Variants in MYOM3 observed in about 807,000 individuals in gnomAD.
MYOM3 encodes myomesin 3, also known as myomesin-3.
MYOM3 carries 155 observed loss-of-function variants against 191.7 expected under a neutral mutation model. The observed-to-expected ratio is 0.81, with a 90% CI of 0.71 to 0.92. The LOEUF (loss-of-function observed/expected upper bound fraction) is 0.92. Ranked by LOEUF, MYOM3 falls within the 40% of genes least tolerant of loss-of-function variation. The pLI is 0.00. For missense variants in MYOM3, 1,889 were observed against 1,890.6 expected (o/e 1.00, Z 0.02); for synonymous variants, 757 against 762.9 (o/e 0.99, Z 0.13).
intron 6 of MYOM3, 25 bp downstream of exon 6, chr1:24,099,655 G>T: frequency 6.3e-7 from 1 of 1,578,046 alleles, no homozygotes; most frequent in Non-Finnish European, 8.7e-7. Flanking sequence ...TGGGGTCATA[G>T]GTCTCTCCAG....
chr1:24,095,629 C>T (rs575329433), intron 7 of MYOM3, 143 bp from the exon 8 acceptor site: 1 of 615,504 alleles, frequency 1.6e-6, no homozygotes, highest in Non-Finnish European at 2.9e-6. Flanking sequence ...GTTCTTTTAC[C>T]TCTCTGTGCC....
intron 16 of MYOM3, chr1:24,084,160 G>A (rs1230112670): frequency 1.6e-5 from 5 of 320,638 alleles, no homozygotes; most frequent in East Asian, 7.7e-5. Flanking sequence ...TCATGGGGGC[G>A]GATGTCCGCT....
chr1:24,084,712 G>T, intron 15 of MYOM3, 73 bp from the exon 16 acceptor site: 1 of 1,372,266 alleles, frequency 7.3e-7, no homozygotes, highest in Non-Finnish European at 1.0e-6. Flanking sequence ...AAGGGGAGGA[G>T]CATGGGGAGA....
intron 2 of MYOM3, 187 bp downstream of exon 2, chr1:24,108,289 T>C: frequency 1.3e-6 from 1 of 749,016 alleles, no homozygotes. Flanking sequence ...GGGCTGTGCC[T>C]CTTCCATCAC....
Position 24,095,123 on chromosome 1 carries a change from G to C in MYOM3, c.791-133C>G, listed in dbSNP as rs142427013. 8.9e-3 allele frequency: 8,596 copies of C among 965,300 alleles called. 46 individuals are homozygous for C. Among genetic ancestry groups the C allele is most frequent in the Middle Eastern group, 0.019 (59 of 3,054 alleles). 59.8% of individuals were successfully genotyped at this position (965,300 alleles called of 1,614,324 possible). A position where few individuals can be genotyped will look rare whatever the true frequency, so the allele number is the denominator to read the frequency against. On this transcript the variant is annotated intron_variant, in intron 8 of 36. Coordinates refer to ENST00000374434, the MANE Select transcript of MYOM3 (RefSeq NM_152372.4). ...CTAGGAGAAGGGGACCTGGCCTTGG[G>C]GTAGGAGGGGAAGAGACTTATCTAG...
rs558410455 is a variant in MYOM3, at chr1:24,100,713, C to T, written c.561-938G>A. On this transcript the variant is annotated intron_variant, in intron 5 of 36. Coordinates refer to ENST00000374434, the MANE Select transcript of MYOM3 (RefSeq NM_152372.4). ...TATCCTGGCTAACACTGTGAAACCC[C>T]GTTTCTCCTAAAAATACAAAAACAT... Among the ~76,000 whole-genome samples, 532 of 152,256 alleles carry T rather than the reference C, an allele frequency of 3.5e-3. 6 individuals are homozygous for T. The highest frequency in any genetic ancestry group is 0.012 in the African/African-American group (502 of 41,546).
intron 36 of MYOM3, 21 bp downstream of exon 36, chr1:24,058,903 T>C (rs974166704): frequency 5.0e-6 from 8 of 1,589,524 alleles, no homozygotes; most frequent in Non-Finnish European, 6.9e-6. Context: ...CTGCTGGCTG[T>C]GGGCTGGGAA....
At chr1:24,084,963 T>A (rs190923130) in intron 15 of MYOM3, among the ~76,000 whole-genome samples, 165 of 152,366 alleles carry the variant, frequency 1.1e-3, no homozygotes, top group Non-Finnish European at 1.9e-3. Flanking sequence ...TTATCTTTAA[T>A]CTCAGTTTTC....
intron 3 of MYOM3, 44 bp downstream of exon 3, chr1:24,107,949 G>A: frequency 1.3e-6 from 2 of 1,547,718 alleles, no homozygotes; most frequent in Non-Finnish European, 1.8e-6. Flanking sequence ...GGACAGGATG[G>A]CCCCTCCTCA....
In MYOM3 at chr1:24,108,014, G is replaced by T; in HGVS notation, c.221C>A (p.Thr74Lys). 1 of 1,613,598 alleles carries T rather than the reference G, an allele frequency of 6.2e-7. No homozygotes were observed. ...TCACCAAGACAGCTCGGAGGAGGCC[G>T]TCAGAGCCAGGGCTGCTGCCAGGGC... ...DYALAAALAL[T>K]ASSELSWEAQ... The change falls in exon 3 of 37, where the codon ACG becomes AAG. Residue 74 changes from threonine to lysine, a missense_variant. Transcript: ENST00000374434.
intron 6 of MYOM3, among the ~76,000 whole-genome samples, chr1:24,099,366 T>TCA (rs1643895540): frequency 6.6e-6 from 1 of 152,206 alleles, no homozygotes; most frequent in African/African-American, 2.4e-5. Flanking sequence ...CATGCCTAGT[T>TCA]CAGCATCCAG....
chr1:24,068,777 GC>G (rs1439116128), intron 25 of MYOM3, among the ~76,000 whole-genome samples: 7 of 152,002 alleles, frequency 4.6e-5, no homozygotes, highest in African/African-American at 1.5e-4. Flanking sequence ...AGGCTGGAGT[GC>G]AGTGGCGCAA....
chr1:24,072,435 A>AGT lies in MYOM3; in HGVS notation c.2969-424_2969-423dup. Reference sequence around the variant, plus strand: ...GCTCACCCCTGTCACATGCTATCTTAGTGTCCCTGGGTCTGGACGACACAC... The same window carrying AGT: ...GCTCACCCCTGTCACATGCTATCTTAGTGTGTCCCTGGGTCTGGACGACACAC... On this transcript the variant is annotated intron_variant, in intron 23 of 36. Coordinates refer to ENST00000374434, the MANE Select transcript of MYOM3 (RefSeq NM_152372.4). 2.0e-5 allele frequency among the ~76,000 whole-genome samples: 3 copies of AGT among 152,134 alleles called. No individual in the cohort carries two copies. The Middle Eastern group carries it at 0.01, about 517-fold the overall frequency.
Position 24,063,468 on chromosome 1 carries a change from T to A in MYOM3, c.3661+24A>T, listed in dbSNP as rs1380442741. The stretch of plus-strand genomic sequence containing the variant: ...GTTGGGCATCAGGGCAGGGCAGGGC[T>A]GGGCAAAGAGGCAGGCTGCTTACCA... On this transcript the variant is annotated intron_variant, in intron 31 of 36. Coordinates refer to ENST00000374434, the MANE Select transcript of MYOM3 (RefSeq NM_152372.4). The surrounding 1 kb of genome is among the most constrained non-coding windows in gnomAD (Gnocchi z 4.5). 2 of 1,613,990 alleles carry A rather than the reference T, an allele frequency of 1.2e-6. No homozygotes were observed. Among genetic ancestry groups the A allele is most frequent in the Non-Finnish European group, 1.7e-6 (2 of 1,179,922 alleles).
rs376491166 is a variant in MYOM3, at chr1:24,095,481, G to A, written c.751C>T (p.Leu251=). Residue 251 remains leucine (L), a synonymous_variant, in exon 8 of 37, where the codon CTG becomes TTG. Transcript: ENST00000374434. ...SFAKVLVRTY[L]GKDAGFDSEI... is the part of the protein sequence containing the mutation. Reference sequence around the variant, plus strand: ...GAATCGAAGCCAGCATCCTTCCCCAGGTAAGCTGAAAAACCAAAGGCAAAC... The same window carrying A: ...GAATCGAAGCCAGCATCCTTCCCCAAGTAAGCTGAAAAACCAAAGGCAAAC... The A allele has an allele frequency of 1.7e-4, 280 of 1,612,616 alleles. No homozygotes were observed. The highest frequency in any genetic ancestry group is 2.2e-4 in the Non-Finnish European group (259 of 1,179,266).
chr1:24,092,480 T>C (rs1643851038), intron 10 of MYOM3, among the ~76,000 whole-genome samples, 165 bp from the exon 11 acceptor site: 1 of 152,146 alleles, frequency 6.6e-6, no homozygotes, highest in Admixed American at 6.5e-5. Context: ...CATAGCAGTA[T>C]CTGAGGGAAG....
At chr1:24,073,144 C>A (rs1483062191) in intron 23 of MYOM3, among the ~76,000 whole-genome samples, 1 of 152,132 alleles carries the variant, frequency 6.6e-6, no homozygotes, top group Non-Finnish European at 1.5e-5. Flanking sequence ...GGATTATAAT[C>A]CCTCTTTACG....
At chr1:24,091,814 T>C (rs1643841965) in intron 11 of MYOM3, among the ~76,000 whole-genome samples, 1 of 152,174 alleles carries the variant, frequency 6.6e-6, no homozygotes, top group Non-Finnish European at 1.5e-5. Context: ...GCCTCCTCCC[T>C]TGGGGTCAGT....
intron 28 of MYOM3, chr1:24,066,420 C>A: frequency 1.7e-6 from 1 of 592,634 alleles, no homozygotes; most frequent in Admixed American, 3.0e-5. Context: ...CAGAGTGGCA[C>A]AAAATAGATG....
Sources: gnomAD v4.1 joint callset for allele counts (sites outside exome capture counted in the v4.1 genomes callset) on GRCh38, gnomAD v4.1.1 for gene constraint, Gnocchi (gnomAD v3.1) non-coding constraint, MANE v1.5 for transcripts, NCBI Gene and HGNC (gene_info 2026-07-23, HGNC 2026-07-21) for gene names.